Variants in MAP4K4 observed in about 807,000 individuals in gnomAD.
The protein encoded by MAP4K4 is mitogen-activated protein kinase kinase kinase kinase 4.
Under a neutral mutation model 189.6 loss-of-function variants are expected in MAP4K4, and 38 were observed. That is an observed-to-expected ratio of 0.20 (90% CI 0.15 to 0.26). The LOEUF (loss-of-function observed/expected upper bound fraction) is 0.26. MAP4K4 is among the 10% of genes least tolerant of loss of function. MAP4K4 has a pLI of 1.00. For synonymous variants in MAP4K4, 610 were observed against 624.3 expected (o/e 0.98, Z 0.34); for missense variants, 1,054 against 1,726.9 (o/e 0.61, Z 6.91).
At chr2:101,865,802 T>G (rs765787970) in intron 18 of MAP4K4, among the ~76,000 whole-genome samples, 1 of 152,214 alleles carries the variant, frequency 6.6e-6, no homozygotes, top group South Asian at 2.1e-4. Context: ...TGACTTGAGG[T>G]GTCAGATGGA....
At position 101,843,207 on chromosome 2, in the gene MAP4K4, T is replaced by C. The variant is rs79205788; in HGVS notation, c.1022+526T>C. 3.0e-3 allele frequency among the ~76,000 whole-genome samples: 449 copies of C among 152,176 alleles called. 4 individuals are homozygous for C. Among genetic ancestry groups the C allele is most frequent in the African/African-American group, 0.01 (420 of 41,516 alleles). ...AACTGATGAATCAGAGAATAGAGGA[T>C]TTTTGGATTGTGATGTTGGGTGTGC... On this transcript the variant is annotated intron_variant, in intron 11 of 32. Transcript: ENST00000324219.
chr2:101,735,538 G>A (rs1317765876), intron 2 of MAP4K4, among the ~76,000 whole-genome samples: 3 of 152,132 alleles, frequency 2.0e-5, no homozygotes, highest in Non-Finnish European at 4.4e-5. Context: ...ACACCTCCCA[G>A]AATACTCTAA....
chr2:101,855,946 C>T, intron 12 of MAP4K4, 31 bp from the exon 13 acceptor site: 1 of 1,538,060 alleles, frequency 6.5e-7, no homozygotes, highest in Non-Finnish European at 8.8e-7. Flanking sequence ...GCGGGAAGAT[C>T]CCTGGTAATT....
chr2:101,831,634 A>C, intron 6 of MAP4K4, 87 bp from the exon 7 acceptor site: 1 of 1,387,164 alleles, frequency 7.2e-7, no homozygotes, highest in Non-Finnish European at 1.0e-6. Flanking sequence ...TACTATGAAG[A>C]CATTTCCTCC....
chr2:101,714,220 T>C (rs2047217212), intron 2 of MAP4K4, among the ~76,000 whole-genome samples: 1 of 152,242 alleles, frequency 6.6e-6, no homozygotes, highest in African/African-American at 2.4e-5. Context: ...TGTAATTTTT[T>C]TCAACTATTT....
At chr2:101,759,525 CTCCCCTCCCCAT>C (rs1208350064) in intron 2 of MAP4K4, among the ~76,000 whole-genome samples, 57 of 48,638 alleles carry the variant, frequency 1.2e-3, no homozygotes, top group South Asian at 2.7e-3. Flanking sequence ...CCCCATTCCC[CTCCCCTCCCCAT>C]TCCACTCCCC....
chr2:101,831,948 C>A, intron 7 of MAP4K4, 97 bp downstream of exon 7: 1 of 1,408,990 alleles, frequency 7.1e-7, no homozygotes. Context: ...GTCTGCCTGC[C>A]TTTTCAGGGA....
At chr2:101,738,609 T>C (rs1320828097) in intron 2 of MAP4K4, among the ~76,000 whole-genome samples, 2 of 152,178 alleles carry the variant, frequency 1.3e-5, no homozygotes, top group East Asian at 1.9e-4. Context: ...AGTGATTTTT[T>C]AAAGACATCT....
rs1238720750 is a variant in MAP4K4 at position 101,797,185 on chromosome 2, A to G, written c.180+6409A>G. On this transcript the variant is annotated intron_variant, in intron 3 of 32. Coordinates refer to ENST00000324219, the Ensembl canonical transcript of MAP4K4. ...GTTCTTGTCTAGACTGAAAATAAGA[A>G]CAAAAGGAAGGGAAGGAGAGATCTC... The G allele has an allele frequency of 4.0e-6, 5 of 1,255,774 alleles. No homozygotes were observed. The African/African-American group carries it at 7.8e-5, about 20-fold the overall frequency. 77.8% of individuals were successfully genotyped at this position (1,255,774 alleles called of 1,614,324 possible). A position where few individuals can be genotyped will look rare whatever the true frequency, so the allele number is the denominator to read the frequency against.
chr2:101,718,343 A>G (rs983585899), intron 2 of MAP4K4, among the ~76,000 whole-genome samples: 4 of 151,972 alleles, frequency 2.6e-5, no homozygotes, highest in East Asian at 1.9e-4. Flanking sequence ...TTTATTTTGC[A>G]TGTGCATGGA....
At chr2:101,872,059 A>T (rs2098045012) in intron 24 of MAP4K4, among the ~76,000 whole-genome samples, 1 of 152,070 alleles carries the variant, frequency 6.6e-6, no homozygotes, top group Non-Finnish European at 1.5e-5. Flanking sequence ...CATTCTTTTT[A>T]TCCAATAAAT....
At chr2:101,872,581 T>A (rs1319887227) in intron 24 of MAP4K4, among the ~76,000 whole-genome samples, 1 of 152,126 alleles carries the variant, frequency 6.6e-6, no homozygotes, top group Non-Finnish European at 1.5e-5. Context: ...TTAGAAAGAA[T>A]CAGAAAAATC....
At chr2:101,870,897 C>T (rs917560378) in intron 23 of MAP4K4, among the ~76,000 whole-genome samples, 4 of 152,178 alleles carry the variant, frequency 2.6e-5, no homozygotes, top group Non-Finnish European at 4.4e-5. Flanking sequence ...GGAGGTTTCT[C>T]TTCTATGTTC....
intron 27 of MAP4K4, among the ~76,000 whole-genome samples, chr2:101,878,456 CA>C (rs1226262606): frequency 6.6e-6 from 1 of 152,202 alleles, no homozygotes; most frequent in Non-Finnish European, 1.5e-5. Context: ...CTGCTTTCTC[CA>C]TGCCATTGAA....
At chr2:101,811,370 C>CAAAAAAAAAAAAAAAAA (rs71378177) in intron 3 of MAP4K4, among the ~76,000 whole-genome samples, 2 of 68,900 alleles carry the variant, frequency 2.9e-5, no homozygotes, top group African/African-American at 1.1e-4. Flanking sequence ...GACTGCGTCT[C>CAAAAAAAAAAAAAAAAA]AAAAAAAAAA....
At chr2:101,761,601 C>T (rs369265564) in intron 2 of MAP4K4, among the ~76,000 whole-genome samples, 6 of 150,490 alleles carry the variant, frequency 4.0e-5, no homozygotes, top group African/African-American at 7.4e-5. Flanking sequence ...CTCTTGTTGC[C>T]GGGCTGGAGT....
intron 2 of MAP4K4, among the ~76,000 whole-genome samples, chr2:101,786,683 A>G (rs1349161510): frequency 1.3e-5 from 2 of 152,200 alleles, no homozygotes; most frequent in African/African-American, 4.8e-5. Flanking sequence ...CCTCTCTTGA[A>G]GTATGTATAT....
At chr2:101,774,784 AAAGCCCC>A (rs1374568225) in intron 2 of MAP4K4, among the ~76,000 whole-genome samples, 6 of 152,272 alleles carry the variant, frequency 3.9e-5, no homozygotes, top group Middle Eastern at 3.4e-3. Flanking sequence ...CATCACCCCA[AAAGCCCC>A]TCTCATGCAG....
chr2:101,788,709 T>G (rs193144833), intron 2 of MAP4K4, among the ~76,000 whole-genome samples: 1 of 152,320 alleles, frequency 6.6e-6, no homozygotes, highest in Admixed American at 6.5e-5. Flanking sequence ...ACTCATGTTT[T>G]TTATAAAGCA....
Sources: gnomAD v4.1 joint callset for allele counts (sites outside exome capture counted in the v4.1 genomes callset) on GRCh38, gnomAD v4.1.1 for gene constraint, MANE v1.5 for transcripts, NCBI Gene and HGNC (gene_info 2026-07-23, HGNC 2026-07-21) for gene names.